The following ITGB3 variants were observed in gnomAD, a reference collection of about 807,000 sequenced individuals.
ITGB3 encodes integrin subunit beta 3, also known as integrin beta-3.
A neutral mutation model predicts 85.8 loss-of-function variants in ITGB3; 48 were observed. The ratio of observed to expected loss-of-function variants is 0.56; its 90% CI spans 0.44 to 0.71. The LOEUF (loss-of-function observed/expected upper bound fraction) is 0.71. Ranked by LOEUF, ITGB3 falls within the 30% of genes least tolerant of loss-of-function variation. The pLI, the probability that ITGB3 is intolerant of heterozygous loss-of-function variation, is 0.00. For synonymous variants in ITGB3, 363 were observed against 395.6 expected, an observed-to-expected ratio of 0.92 and a Z score of 0.98; for missense variants, 861 against 1,019.1, an observed-to-expected ratio of 0.84 and a Z score of 2.11.
At chr17:47,276,677 C>T (rs1029778422) in intron 2 of ITGB3, among the ~76,000 whole-genome samples, 1 of 152,084 alleles carries the variant, frequency 6.6e-6, no homozygotes, top group Non-Finnish European at 1.5e-5. Flanking sequence ...GGGTGGAGGA[C>T]CCCAGTATGG....
rs576042066 is a variant in ITGB3 at position 47,303,106 on chromosome 17, C to T, written c.2134+266C>T. ...CTACTAAAAATACAAAAACATTAGC[C>T]GGGCATGGTGGTGCATGCCTGTAAT... On this transcript the variant is annotated intron_variant, in intron 13 of 14. Coordinates refer to ENST00000559488, the MANE Select transcript of ITGB3 (RefSeq NM_000212.3). 1.6e-4 allele frequency among the ~76,000 whole-genome samples: 25 copies of T among 152,082 alleles called. 1 individual carries two copies. Among genetic ancestry groups the T allele is most frequent in the Middle Eastern group, 6.8e-3 (2 of 294 alleles).
chr17:47,307,032 G>C (rs1210814223), intron 13 of ITGB3, among the ~76,000 whole-genome samples: 2 of 152,106 alleles, frequency 1.3e-5, no homozygotes, highest in Non-Finnish European at 2.9e-5. Flanking sequence ...GGGTACATGT[G>C]TGGGTTTGTT....
At chr17:47,255,034 A>G (rs2064983667) in intron 1 of ITGB3, among the ~76,000 whole-genome samples, 1 of 152,056 alleles carries the variant, frequency 6.6e-6, no homozygotes, top group African/African-American at 2.4e-5. Flanking sequence ...GCTGGAGTGC[A>G]GTGGTGGGTT....
intron 6 of ITGB3, among the ~76,000 whole-genome samples, chr17:47,289,002 C>A (rs1199942434): frequency 1.3e-5 from 2 of 152,070 alleles, no homozygotes; most frequent in Non-Finnish European, 1.5e-5. Context: ...GGATTACCAA[C>A]AAGAAGGCCA....
chr17:47,289,860 G>A, intron 7 of ITGB3, 84 bp downstream of exon 7: 2 of 963,158 alleles, frequency 2.1e-6, no homozygotes, highest in Admixed American at 3.4e-5. Context: ...ATTGGATACA[G>A]TCCCCAATCA....
intron 2 of ITGB3, 87 bp from the exon 3 acceptor site, chr17:47,283,267 G>C (rs1405412677): frequency 8.0e-7 from 1 of 1,250,032 alleles, no homozygotes; most frequent in Non-Finnish European, 1.2e-6. Context: ...TAAACTCTTA[G>C]CTATTGGGAA....
intron 2 of ITGB3, among the ~76,000 whole-genome samples, chr17:47,280,802 T>C (rs2065081208): frequency 6.6e-6 from 1 of 152,220 alleles, no homozygotes; most frequent in South Asian, 2.1e-4. Context: ...TGCATCCTGT[T>C]CCCTACCTGG....
Position 47,290,238 on chromosome 17 carries a change from C to T in ITGB3, c.1089C>T (p.Ser363=), listed in dbSNP as rs748864401. ...CAGTTGGGGTTCTGTCCATGGATTCCAGCAATGTCCTCCAGCTCATTGTTG... is the reference window on the plus strand; with the variant it reads ...CAGTTGGGGTTCTGTCCATGGATTCTAGCAATGTCCTCCAGCTCATTGTTG... The part of the protein sequence containing the change: ...GTTVGVLSMD[S]SNVLQLIVDA... The change falls in exon 8 of 15, where the codon TCC becomes TCT. Residue 363 remains serine (S), a synonymous_variant. Transcript: ENST00000559488. 1.9e-6 allele frequency: 3 copies of T among 1,614,068 alleles called. No individual in the cohort carries two copies. The Admixed American group carries it at 5.0e-5, about 27-fold the overall frequency.
At chr17:47,300,342 C>CGTGTGT (rs748298784) in intron 11 of ITGB3, 136 bp from the exon 12 acceptor site, 19 of 696,450 alleles carry the variant, frequency 2.7e-5, no homozygotes, top group Non-Finnish European at 4.9e-5. Context: ...CAGGCGCGCG[C>CGTGTGT]GCGCGTGTGT....
chr17:47,274,931 A>C (rs535115181), intron 2 of ITGB3, among the ~76,000 whole-genome samples: 24 of 152,292 alleles, frequency 1.6e-4, no homozygotes, highest in Non-Finnish European at 2.4e-4. Flanking sequence ...TGTGTGACCC[A>C]CCATGCCCAG....
intron 1 of ITGB3, among the ~76,000 whole-genome samples, chr17:47,270,517 G>A (rs2065040644): frequency 6.6e-6 from 1 of 152,216 alleles, no homozygotes; most frequent in Non-Finnish European, 1.5e-5. Context: ...ATTGTTCGTT[G>A]TGAACATTCA....
At chr17:47,300,725 C>T (rs1375883827) in intron 12 of ITGB3, 147 bp downstream of exon 12, 2 of 703,982 alleles carry the variant, frequency 2.8e-6, no homozygotes, top group East Asian at 2.8e-5. Flanking sequence ...ACAATGGACA[C>T]TTGATGTGAG....
In ITGB3 at chr17:47,290,741, G is replaced by A. The variant is rs374973627; in HGVS notation, c.1126-213G>A. Among the ~76,000 whole-genome samples the A allele has an allele frequency of 2.2e-4, 34 of 152,212 alleles. No homozygotes were observed. In the South Asian group the frequency reaches 3.3e-3, roughly 15 times the overall value. ...ACATTTTACCCAGACTCACCTAGAC[G>A]CAAGTGGAGATGGAAAGAGGGAGCA... is the stretch of plus-strand genomic sequence containing the variant. On this transcript the variant is annotated intron_variant, in intron 8 of 14. Coordinates refer to ENST00000559488, the MANE Select transcript of ITGB3 (RefSeq NM_000212.3).
At chr17:47,270,857 G>A (rs765066786) in intron 1 of ITGB3, among the ~76,000 whole-genome samples, 1 of 152,148 alleles carries the variant, frequency 6.6e-6, no homozygotes, top group Non-Finnish European at 1.5e-5. Context: ...TAGGGTTTTT[G>A]GGAGAACAAT....
chr17:47,307,563 C>G lies in ITGB3; in HGVS notation c.2227C>G (p.Leu743Val), dbSNP rs747733241. The G allele has an allele frequency of 1.2e-6, 2 of 1,614,214 alleles. No individual in the cohort carries two copies. Among genetic ancestry groups the G allele is most frequent in the Non-Finnish European group, 1.7e-6 (2 of 1,180,036 alleles). ...CCTTGCCGCCCTGCTCATCTGGAAA[C>G]TCCTCATCACCATCCACGACCGAAA... ...IGLAALLIWK[L>V]LITIHDRKEF... The change falls in exon 14 of 15, where the codon CTC (leucine) becomes GTC (valine). Residue 743 changes from leucine (L) to valine (V), a missense_variant. Coordinates refer to ENST00000559488, the MANE Select transcript of ITGB3 (RefSeq NM_000212.3).
chr17:47,254,683 C>T (rs1390696387), intron 1 of ITGB3, among the ~76,000 whole-genome samples: 1 of 152,146 alleles, frequency 6.6e-6, no homozygotes, highest in Non-Finnish European at 1.5e-5. Context: ...TTGTCTCTGG[C>T]TGCTGCGCAC....
chr17:47,291,178 C>A, intron 9 of ITGB3, 90 bp downstream of exon 9: 1 of 1,489,514 alleles, frequency 6.7e-7, no homozygotes, highest in Non-Finnish European at 9.3e-7. Context: ...AAATGGCCCC[C>A]TTCCACCAGA....
chr17:47,283,557 T>TG lies in ITGB3; in HGVS notation c.361+11dup. On this transcript the variant is annotated intron_variant, in intron 3 of 14. Coordinates refer to ENST00000559488, the MANE Select transcript of ITGB3 (RefSeq NM_000212.3). Reference sequence around the variant, plus strand: ...CACTCCGGCTCCGGCCAGGTAGGGCTGGGACTCTTTGCGGGGAGAGACCTG... The same window carrying TG: ...CACTCCGGCTCCGGCCAGGTAGGGCTGGGGACTCTTTGCGGGGAGAGACCTG... The TG allele has an allele frequency of 6.2e-7, 1 of 1,613,950 alleles. No homozygotes were observed. The highest frequency in any genetic ancestry group is 1.1e-5 in the South Asian group (1 of 91,070).
intron 14 of ITGB3, among the ~76,000 whole-genome samples, chr17:47,308,152 G>A (rs116860178): frequency 0.16 from 9,427 of 57,992 alleles, 420 homozygotes; most frequent in Middle Eastern, 0.33. Flanking sequence ...AGCAGGACTC[G>A]GTCTCAAAAA....
Sources: allele counts gnomAD v4.1 joint callset (sites outside exome capture counted in the v4.1 genomes callset), GRCh38; gene constraint gnomAD v4.1.1; transcripts MANE v1.5; gene names NCBI Gene and HGNC (gene_info 2026-07-23, HGNC 2026-07-21).